PLXNA4: variants seen among roughly 807,000 people sequenced by gnomAD.
PLXNA4 encodes plexin A4.
Under a neutral mutation model 191.8 loss-of-function variants are expected in PLXNA4, and 44 were observed. The ratio of observed to expected loss-of-function variants is 0.23; its 90% confidence interval spans 0.18 to 0.29. The LOEUF (loss-of-function observed/expected upper bound fraction) is 0.29, where lower values mean the gene tolerates loss of function less well. PLXNA4 is among the 10% of genes least tolerant of loss of function. The pLI is 1.00. For synonymous variants in PLXNA4, 1,082 were observed against 1,009.5 expected (o/e 1.07, Z -1.36); for missense variants, 1,800 against 2,488.8 (o/e 0.72, Z 5.89).
chr7:132,444,308 G>A (rs911687699), intron 3 of PLXNA4, among the ~76,000 whole-genome samples: 5 of 152,368 alleles, frequency 3.3e-5, no homozygotes, highest in African/African-American at 9.6e-5. Context: ...AGGCTGGAGC[G>A]CAATGGCGCC....
chr7:132,276,440 AC>A (rs1008835153), intron 4 of PLXNA4, among the ~76,000 whole-genome samples: 27 of 150,666 alleles, frequency 1.8e-4, no homozygotes, highest in Admixed American at 1.5e-3. Context: ...TTCTGCAATG[AC>A]CCCCCCTTTC....
chr7:132,592,308 T>C (rs562592854), intron 2 of PLXNA4, among the ~76,000 whole-genome samples: 2 of 152,048 alleles, frequency 1.3e-5, no homozygotes, highest in Non-Finnish European at 2.9e-5. Flanking sequence ...GAGACAAAGA[T>C]GGGAGTGCGG....
chr7:132,274,288 A>G (rs1164779896), intron 4 of PLXNA4, among the ~76,000 whole-genome samples: 1 of 151,668 alleles, frequency 6.6e-6, no homozygotes, highest in East Asian at 1.9e-4. Flanking sequence ...ATATATGTAT[A>G]TATTTCTATT....
intron 3 of PLXNA4, among the ~76,000 whole-genome samples, chr7:132,382,370 C>T (rs1397593316): frequency 6.6e-6 from 1 of 152,100 alleles, no homozygotes. Context: ...AAATCACAGC[C>T]CCTGCTGCTG....
chr7:132,149,895 T>C (rs1447279749), intron 25 of PLXNA4, among the ~76,000 whole-genome samples: 1 of 152,178 alleles, frequency 6.6e-6, no homozygotes, highest in Non-Finnish European at 1.5e-5. Context: ...CCTCCCTGCA[T>C]TGTGTATTTG....
At chr7:132,536,752 C>T (rs2116473958) in intron 1 of PLXNA4, among the ~76,000 whole-genome samples, 1 of 152,322 alleles carries the variant, frequency 6.6e-6, no homozygotes, top group East Asian at 1.9e-4. Flanking sequence ...GCAGTGGCAG[C>T]AACTCATACA....
chr7:132,646,223 C>A (rs1803863216), intron 1 of PLXNA4, among the ~76,000 whole-genome samples: 1 of 151,866 alleles, frequency 6.6e-6, no homozygotes, highest in Non-Finnish European at 1.5e-5. Context: ...TGTTTTTTTC[C>A]CTGGAAGAGC....
chr7:132,192,388 TGAA>T (rs1584822592), intron 14 of PLXNA4, among the ~76,000 whole-genome samples: 1 of 151,050 alleles, frequency 6.6e-6, no homozygotes, highest in East Asian at 1.9e-4. Flanking sequence ...GGCTGTCAGT[TGAA>T]GAAGGAAGAA....
intron 3 of PLXNA4, among the ~76,000 whole-genome samples, chr7:132,359,861 G>A (rs909507704): frequency 6.6e-6 from 1 of 152,208 alleles, no homozygotes; most frequent in Non-Finnish European, 1.5e-5. Flanking sequence ...TTTACAGGGA[G>A]CGGGGAAGTC....
chr7:132,582,077 C>A (rs1180012138), upstream of PLXNA4, among the ~76,000 whole-genome samples: 1 of 152,104 alleles, frequency 6.6e-6, no homozygotes, highest in Non-Finnish European at 1.5e-5. Context: ...CTCAGTGTAA[C>A]CCTTCTTGGG....
chr7:132,300,333 C>T (rs926829396), intron 3 of PLXNA4, among the ~76,000 whole-genome samples: 5 of 152,146 alleles, frequency 3.3e-5, no homozygotes, highest in Non-Finnish European at 7.3e-5. Flanking sequence ...AGGCAGGGAG[C>T]TGAGGTCAGG....
intron 1 of PLXNA4, among the ~76,000 whole-genome samples, chr7:132,531,424 A>G (rs922101330): frequency 3.9e-5 from 6 of 152,242 alleles, no homozygotes; most frequent in Non-Finnish European, 7.3e-5. Context: ...AATAGTCTAT[A>G]AGGTAGATAT....
intron 3 of PLXNA4, among the ~76,000 whole-genome samples, chr7:132,460,856 A>T (rs1296053078): frequency 1.3e-5 from 2 of 152,036 alleles, no homozygotes; most frequent in Non-Finnish European, 2.9e-5. Context: ...TCTCTCTTAG[A>T]CTCATGGTAC....
chr7:132,502,150 C>T (rs528186821), intron 2 of PLXNA4, among the ~76,000 whole-genome samples: 2 of 152,308 alleles, frequency 1.3e-5, no homozygotes, highest in Middle Eastern at 3.4e-3. Context: ...TGCTCACTTT[C>T]GTGGAGTTTC....
intron 2 of PLXNA4, among the ~76,000 whole-genome samples, chr7:132,620,803 C>T (rs1373655762): frequency 3.3e-5 from 5 of 152,192 alleles, no homozygotes; most frequent in Non-Finnish European, 5.9e-5. Flanking sequence ...TTGTCTTAGT[C>T]GTTCGGGCTG....
rs186237155 is a variant in PLXNA4, at chr7:132,476,003, C to T, written c.1371+13289G>A. On this transcript the variant is annotated intron_variant, in intron 3 of 31. Coordinates refer to ENST00000321063, the MANE Select transcript of PLXNA4 (RefSeq NM_020911.2). The stretch of plus-strand genomic sequence containing the variant: ...AAGGCAGAGCCCAGCGGGAGCAGCC[C>T]CAGGCTTGAGTGCAGAGAAGGCTCT... Among the ~76,000 whole-genome samples the T allele has an allele frequency of 8.1e-4, 123 of 152,260 alleles. 1 individual carries two copies. The highest frequency in any genetic ancestry group is 1.6e-3 in the Non-Finnish European group (109 of 68,026).
At chr7:132,512,512 T>C (rs1383749891) in intron 1 of PLXNA4, among the ~76,000 whole-genome samples, 1 of 152,030 alleles carries the variant, frequency 6.6e-6, no homozygotes, top group Admixed American at 6.6e-5. Flanking sequence ...AACAATAACA[T>C]GTACTGGGAA....
At chr7:132,538,793 C>A (rs566806392) in intron 1 of PLXNA4, among the ~76,000 whole-genome samples, 1 of 152,286 alleles carries the variant, frequency 6.6e-6, no homozygotes, top group South Asian at 2.1e-4. Context: ...CCAGCTGCTG[C>A]CATCATGACC....
Position 132,514,891 on chromosome 7 carries a change from A to G in PLXNA4, c.-86-6112T>C, listed in dbSNP as rs60653569. Among the ~76,000 whole-genome samples the G allele has an allele frequency of 1.9e-3, 282 of 152,270 alleles. 2 individuals are homozygous for G. Among genetic ancestry groups the G allele is most frequent in the East Asian group, 0.016 (82 of 5,180 alleles). On this transcript the variant is annotated intron_variant, in intron 1 of 31. Coordinates refer to ENST00000321063, the MANE Select transcript of PLXNA4 (RefSeq NM_020911.2). ...ATATAGTCATGGTCAAAAAAATTTGAAACACACTTTCAGAGACGGTGCATA... is the reference window on the plus strand; with the variant it reads ...ATATAGTCATGGTCAAAAAAATTTGGAACACACTTTCAGAGACGGTGCATA...
Sources: allele counts gnomAD v4.1 joint callset (sites outside exome capture counted in the v4.1 genomes callset), GRCh38; gene constraint gnomAD v4.1.1; transcripts MANE v1.5; gene names NCBI Gene and HGNC (gene_info 2026-07-23, HGNC 2026-07-21).